The following NRG3 variants were observed in gnomAD, a reference collection of about 807,000 sequenced individuals.
The protein encoded by NRG3 is neuregulin 3, also known as pro-neuregulin-3, membrane-bound isoform.
In NRG3, 31 loss-of-function variants were observed where a neutral mutation model predicts 66.9. The observed-to-expected ratio is 0.46, with a 90% CI of 0.35 to 0.63. NRG3 has a LOEUF of 0.63. Among genes scored for constraint, NRG3 ranks in the 20% least tolerant of loss-of-function variants. The probability of loss-of-function intolerance (pLI) is 0.00; values close to 1 mark genes in which losing one functional copy is unlikely to be tolerated. For missense variants in NRG3, 910 were observed against 878.9 expected (o/e 1.04, Z -0.45); for synonymous variants, 393 against 359.4 (o/e 1.09, Z -1.06).
chr10:82,168,375 T>G (rs1013560157), intron 1 of NRG3, among the ~76,000 whole-genome samples: 9 of 152,162 alleles, frequency 5.9e-5, no homozygotes, highest in African/African-American at 2.2e-4. Flanking sequence ...TCAGGTCATA[T>G]TCTTTGGAGT....
intron 1 of NRG3, among the ~76,000 whole-genome samples, chr10:81,967,357 A>G (rs540284275): frequency 2.0e-5 from 3 of 150,714 alleles, no homozygotes; most frequent in Admixed American, 6.6e-5. Flanking sequence ...TTCATTGTTT[A>G]TGAATGTTGA....
rs143143158 is a variant in NRG3, at chr10:82,778,966, G to A, written c.1027+40316G>A. 3.9e-5 allele frequency among the ~76,000 whole-genome samples: 6 copies of A among 152,168 alleles called. No individual in the cohort carries two copies. The East Asian group carries it at 1.2e-3, about 30-fold the overall frequency. ...AGAAGGAGCTGCAGCAGTTTAACTG[G>A]GGTCTGGTACTTTTCCCTGTACGAG... On this transcript the variant is annotated intron_variant, in intron 3 of 8. Coordinates refer to ENST00000372141, the MANE Select transcript of NRG3 (RefSeq NM_001010848.4).
intron 4 of NRG3, among the ~76,000 whole-genome samples, chr10:82,894,815 G>A (rs543522102): frequency 1.3e-5 from 2 of 152,026 alleles, no homozygotes; most frequent in Non-Finnish European, 2.9e-5. Flanking sequence ...TGCCATGGTG[G>A]TTTGCTGCAC....
intron 1 of NRG3, among the ~76,000 whole-genome samples, chr10:82,084,717 G>T (rs556645675): frequency 6.6e-6 from 1 of 152,214 alleles, no homozygotes; most frequent in South Asian, 2.1e-4. Context: ...ATCACCCCCA[G>T]TGTGAGCCCA....
At chr10:82,640,591 C>G (rs2050503485) in intron 2 of NRG3, among the ~76,000 whole-genome samples, 1 of 152,112 alleles carries the variant, frequency 6.6e-6, no homozygotes, top group East Asian at 1.9e-4. Context: ...GCAAGGACAC[C>G]TCTTCTCCAT....
intron 1 of NRG3, among the ~76,000 whole-genome samples, chr10:82,354,014 C>CTTTTTTTTTTTTTTTT (rs869307444): frequency 8.9e-6 from 1 of 112,628 alleles, no homozygotes; most frequent in African/African-American, 3.8e-5. Flanking sequence ...CACTATAACA[C>CTTTTTTTTTTTTTTTT]TTTTTTTTTT....
intron 2 of NRG3, among the ~76,000 whole-genome samples, chr10:82,422,924 T>C (rs1419836387): frequency 4.6e-5 from 7 of 151,978 alleles, no homozygotes; most frequent in Non-Finnish European, 1.0e-4. Context: ...ATATATGAGT[T>C]TTTAGTAATT....
At chr10:82,673,471 C>T (rs1216196218) in intron 2 of NRG3, among the ~76,000 whole-genome samples, 2 of 152,060 alleles carry the variant, frequency 1.3e-5, no homozygotes, top group African/African-American at 4.8e-5. Context: ...CTTAAAGTGG[C>T]AATTTCTAAG....
intron 1 of NRG3, among the ~76,000 whole-genome samples, chr10:81,958,852 C>T (rs1299176516): frequency 1.3e-5 from 2 of 152,018 alleles, no homozygotes; most frequent in Admixed American, 6.6e-5. Context: ...ACAAGCCCCA[C>T]TACACTCCAG....
At chr10:81,954,707 A>G (rs1381308594) in intron 1 of NRG3, among the ~76,000 whole-genome samples, 2 of 152,152 alleles carry the variant, frequency 1.3e-5, no homozygotes, top group African/African-American at 2.4e-5. Flanking sequence ...GGGCATTCTA[A>G]AAAAGGGTTT....
chr10:82,000,083 A>G (rs1221562387), intron 1 of NRG3, among the ~76,000 whole-genome samples: 2 of 152,208 alleles, frequency 1.3e-5, no homozygotes, highest in African/African-American at 4.8e-5. Flanking sequence ...TAAAATGTAG[A>G]TATATTTTAG....
At chr10:82,153,281 A>G (rs908484200) in intron 1 of NRG3, among the ~76,000 whole-genome samples, 1 of 152,098 alleles carries the variant, frequency 6.6e-6, no homozygotes, top group African/African-American at 2.4e-5. Context: ...TAGATTCTAC[A>G]TGTAAGTGAA....
intron 2 of NRG3, among the ~76,000 whole-genome samples, chr10:82,671,883 AGT>A (rs1239957724): frequency 6.6e-6 from 1 of 151,780 alleles, no homozygotes; most frequent in Non-Finnish European, 1.5e-5. Flanking sequence ...TCACAGGCAA[AGT>A]TTTGATTAAT....
chr10:82,044,680 C>A (rs1471062395), intron 1 of NRG3, among the ~76,000 whole-genome samples: 1 of 152,046 alleles, frequency 6.6e-6, no homozygotes, highest in South Asian at 2.1e-4. Flanking sequence ...CACCTATTAA[C>A]TCTTCATTTA....
At chr10:82,714,613 T>C (rs1490107015) in intron 2 of NRG3, among the ~76,000 whole-genome samples, 2 of 152,254 alleles carry the variant, frequency 1.3e-5, no homozygotes, top group Admixed American at 6.5e-5. Flanking sequence ...GGATGATACC[T>C]TAATTTAAAA....
chr10:82,018,081 G>A (rs924959724), intron 1 of NRG3, among the ~76,000 whole-genome samples: 13 of 152,236 alleles, frequency 8.5e-5, no homozygotes, highest in South Asian at 6.2e-4. Context: ...TAATGTTGAA[G>A]TCTTTAATCC....
chr10:82,576,105 T>C (rs1196935586), intron 2 of NRG3, among the ~76,000 whole-genome samples: 1 of 151,676 alleles, frequency 6.6e-6, no homozygotes, highest in Non-Finnish European at 1.5e-5. Context: ...CTGGGGAAAG[T>C]ATAGTGGGAG....
intron 2 of NRG3, among the ~76,000 whole-genome samples, chr10:82,369,162 G>C (rs1384947370): frequency 1.7e-5 from 2 of 118,962 alleles, no homozygotes; most frequent in Non-Finnish European, 3.1e-5. Context: ...CAAAATGTCA[G>C]TGTTTGTGTA....
At chr10:82,511,481 T>C (rs1448023382) in intron 2 of NRG3, among the ~76,000 whole-genome samples, 1 of 152,192 alleles carries the variant, frequency 6.6e-6, no homozygotes, top group Non-Finnish European at 1.5e-5. Flanking sequence ...TTGTCACTCC[T>C]TGTTACTCAT....
Sources: allele counts gnomAD v4.1 joint callset (sites outside exome capture counted in the v4.1 genomes callset), GRCh38; gene constraint gnomAD v4.1.1; transcripts MANE v1.5; gene names NCBI Gene and HGNC (gene_info 2026-07-23, HGNC 2026-07-21).